The following ISLR2 variants were observed in gnomAD, a reference collection of about 807,000 sequenced individuals.
ISLR2 encodes immunoglobulin superfamily containing leucine-rich repeat protein 2.
ISLR2 carries 16 observed loss-of-function variants against 25.5 expected under a neutral mutation model. That is an observed-to-expected ratio of 0.63 (90% CI 0.43 to 0.95). The LOEUF (loss-of-function observed/expected upper bound fraction) is 0.95, where lower values mean the gene tolerates loss of function less well. Among genes scored for constraint, ISLR2 ranks in the 40% least tolerant of loss-of-function variants. The pLI, the probability that ISLR2 is intolerant of heterozygous loss-of-function variation, is 0.00. For synonymous variants in ISLR2, 508 were observed against 486.6 expected, an observed-to-expected ratio of 1.04 and a Z score of -0.58; for missense variants, 883 against 1,030.7, an observed-to-expected ratio of 0.86 and a Z score of 1.96.
rs149614760 is a variant in ISLR2 at position 74,116,060 on chromosome 15, G to A, written n.228+12146G>A. ...AATAATTCAAAAATTAGCCAGGCATGGTGGCATGCACCTGTAGTCCCAGCT... is the reference window on the plus strand; with the variant it reads ...AATAATTCAAAAATTAGCCAGGCATAGTGGCATGCACCTGTAGTCCCAGCT... On this transcript the variant is annotated intron_variant and non_coding_transcript_variant, in intron 2 of 3. Coordinates refer to the ISLR2 transcript ENST00000561975. Among the ~76,000 whole-genome samples the A allele has an allele frequency of 4.0e-3, 601 of 151,690 alleles. 2 individuals are homozygous for A. The highest frequency in any genetic ancestry group is 0.014 in the African/African-American group (580 of 41,356).
intron 2 of ISLR2, among the ~76,000 whole-genome samples, chr15:74,113,107 C>T (rs371933398): frequency 6.6e-6 from 1 of 152,186 alleles, no homozygotes; most frequent in Non-Finnish European, 1.5e-5. Context: ...AGTGTGAAAC[C>T]TAGATTCCTC....
chr15:74,110,807 A>T (rs1567154049), intron 2 of ISLR2, among the ~76,000 whole-genome samples: 1 of 152,160 alleles, frequency 6.6e-6, no homozygotes, highest in Non-Finnish European at 1.5e-5. Context: ...AAATACAAAA[A>T]AATTAGCTGG....
In ISLR2 at chr15:74,112,929, G is replaced by A. The variant is rs550224493; in HGVS notation, n.228+9015G>A. The stretch of plus-strand genomic sequence containing the variant: ...TGCAACCTGCACCTCCCAGGCCCAA[G>A]CCATCCTTCCACCTCAGCCTTCCAA... On this transcript the variant is annotated intron_variant and non_coding_transcript_variant, in intron 2 of 3. Coordinates refer to the ISLR2 transcript ENST00000561975. Among the ~76,000 whole-genome samples the A allele has an allele frequency of 3.3e-5, 5 of 150,326 alleles. No homozygotes were observed. In the South Asian group the frequency reaches 8.5e-4, roughly 26 times the overall value.
chr15:74,132,448 T>C lies in ISLR2; in HGVS notation c.-8-299T>C, dbSNP rs1272123013. 6.6e-6 allele frequency among the ~76,000 whole-genome samples: 1 copy of C among 151,678 alleles called. No individual in the cohort carries two copies. The highest frequency in any genetic ancestry group is 6.6e-5 in the Admixed American group (1 of 15,240). ...GGGTACGTGAGGAGCCCGCTGGAGATGGGCGAGCTGCGGAGCCCACGGAGG... is the reference window on the plus strand; with the variant it reads ...GGGTACGTGAGGAGCCCGCTGGAGACGGGCGAGCTGCGGAGCCCACGGAGG... On this transcript the variant is annotated intron_variant, in intron 2 of 2. Transcript: ENST00000453268. The surrounding 1 kb of genome is among the most constrained non-coding windows in gnomAD (Gnocchi z 4.3).
At chr15:74,131,523 C>T (rs1223274077) in intron 2 of ISLR2, among the ~76,000 whole-genome samples, 2 of 152,096 alleles carry the variant, frequency 1.3e-5, no homozygotes, top group East Asian at 3.9e-4. Context: ...ACCTGACAGG[C>T]GCTCCAAATG....
chr15:74,128,248 G>A (rs2072326619), upstream of ISLR2: 18 of 332,592 alleles, frequency 5.4e-5, no homozygotes, highest in South Asian at 4.4e-4. Context: ...TCTGCCTGGG[G>A]CGACTCGGGC....
intron 2 of ISLR2, among the ~76,000 whole-genome samples, chr15:74,105,737 G>A (rs2566309): frequency 1.3e-5 from 2 of 152,082 alleles, no homozygotes; most frequent in East Asian, 1.9e-4. Flanking sequence ...AATGTGCAAA[G>A]CCTGCGTCCC....
At chr15:74,122,638 A>G (rs2072262104) in intron 2 of ISLR2, among the ~76,000 whole-genome samples, 1 of 152,220 alleles carries the variant, frequency 6.6e-6, no homozygotes, top group Admixed American at 6.5e-5. Context: ...CCACCTGCAC[A>G]CAAAACATTG....
At chr15:74,125,050 G>T (rs1035293202), upstream of ISLR2, among the ~76,000 whole-genome samples, 1 of 152,074 alleles carries the variant, frequency 6.6e-6, no homozygotes, top group African/African-American at 2.4e-5. Context: ...ATCATCCCCA[G>T]CCCCCACTCC....
chr15:74,118,373 G>T (rs982657642), intron 2 of ISLR2, among the ~76,000 whole-genome samples: 1 of 152,156 alleles, frequency 6.6e-6, no homozygotes, highest in South Asian at 2.1e-4. Flanking sequence ...CAGGACCGGG[G>T]TGAAATTAAA....
At chr15:74,110,122 T>C (rs1294526549) in intron 2 of ISLR2, among the ~76,000 whole-genome samples, 6 of 152,184 alleles carry the variant, frequency 3.9e-5, no homozygotes, top group Non-Finnish European at 5.9e-5. Context: ...CAAGAATAGA[T>C]CTTCAACACT....
intron 2 of ISLR2, among the ~76,000 whole-genome samples, chr15:74,119,717 T>C (rs186910682): frequency 4.7e-4 from 72 of 152,326 alleles, no homozygotes; most frequent in Non-Finnish European, 6.3e-4. Flanking sequence ...ACTGGAAATA[T>C]ACACAATTTT....
At chr15:74,128,570 A>G (rs918938837), upstream of ISLR2, 1 of 456,660 alleles carries the variant, frequency 2.2e-6, no homozygotes, top group Admixed American at 2.3e-5. Flanking sequence ...AGTCCAGGGA[A>G]GCTCTGGGCA....
intron 2 of ISLR2, among the ~76,000 whole-genome samples, chr15:74,115,644 G>A (rs2072204321): frequency 6.6e-6 from 1 of 152,040 alleles, no homozygotes; most frequent in Non-Finnish European, 1.5e-5. Context: ...GCAGTGAGGT[G>A]AGATCACACC....
Position 74,133,761 on chromosome 15 carries a change from C to A in ISLR2, c.1007C>A (p.Ala336Glu). Residue 336 changes from alanine to glutamate, a missense_variant, in exon 3 of 3, where the codon GCA becomes GAA. Physicochemically the swap from Ala to Glu is moderately radical, Grantham distance 107. This residue lies in a region of ISLR2 where 612 missense variants were observed against 642.8 expected (regional missense o/e 0.95). Transcript: ENST00000453268. ...PPATPRFLALANGSLLVPLLS... is the reference protein window; with the variant it reads ...PPATPRFLALENGSLLVPLLS... ...GCCACACCGCGCTTCCTGGCCCTCG[C>A]AAATGGCTCCCTGTTGGTGCCCCTC... is the stretch of plus-strand genomic sequence containing the variant. 1 of 1,613,744 alleles carries A rather than the reference C, an allele frequency of 6.2e-7. No homozygotes were observed. The highest frequency in any genetic ancestry group is 2.2e-5 in the East Asian group (1 of 44,878).
chr15:74,120,731 G>C (rs2072246668), intron 2 of ISLR2, among the ~76,000 whole-genome samples: 1 of 152,032 alleles, frequency 6.6e-6, no homozygotes, highest in Admixed American at 6.6e-5. Flanking sequence ...CTTACCCTTT[G>C]TGATCTCATA....
At chr15:74,106,501 T>A in intron 2 of ISLR2, among the ~76,000 whole-genome samples, 1 of 152,074 alleles carries the variant, frequency 6.6e-6, no homozygotes, top group Admixed American at 6.5e-5. Flanking sequence ...AGGAAGCCCA[T>A]CCTGTTGGCT....
upstream of ISLR2, among the ~76,000 whole-genome samples, chr15:74,123,217 C>T (rs151292169): frequency 8.6e-5 from 13 of 152,004 alleles, no homozygotes; most frequent in Non-Finnish European, 1.8e-4. Context: ...GGGACCCAAG[C>T]GGGCCTCAAG....
At chr15:74,111,993 A>G (rs1411454569) in intron 2 of ISLR2, among the ~76,000 whole-genome samples, 2 of 152,238 alleles carry the variant, frequency 1.3e-5, no homozygotes, top group Non-Finnish European at 2.9e-5. Flanking sequence ...TACAAAATAG[A>G]ACCTTTGGAG....
Sources: gnomAD v4.1 joint callset for allele counts (sites outside exome capture counted in the v4.1 genomes callset) on GRCh38, gnomAD v4.1.1 for gene constraint, gnomAD v4.1.1 regional missense constraint, Gnocchi (gnomAD v3.1) non-coding constraint, MANE v1.5 for transcripts, NCBI Gene and HGNC (gene_info 2026-07-23, HGNC 2026-07-21) for gene names.